The following PRKG1 variants were observed in gnomAD, a reference collection of about 807,000 sequenced individuals.
PRKG1 encodes protein kinase cGMP-dependent 1.
A neutral mutation model predicts 88.1 loss-of-function variants in PRKG1; 35 were observed. The observed-to-expected ratio is 0.40, with a 90% confidence interval of 0.30 to 0.53. The LOEUF is 0.53. Ranked by LOEUF, PRKG1 falls within the 20% of genes least tolerant of loss-of-function variation. The pLI is 0.59. For synonymous variants in PRKG1, 303 were observed against 292.5 expected (o/e 1.04, Z -0.37); for missense variants, 540 against 839.8 (o/e 0.64, Z 4.41).
intron 2 of PRKG1, among the ~76,000 whole-genome samples, chr10:51,313,061 T>G (rs922519466): frequency 4.7e-5 from 7 of 147,484 alleles, no homozygotes; most frequent in Non-Finnish European, 1.1e-4. Context: ...ACAATTCCCA[T>G]TAAGTTGCAG....
chr10:52,144,193 C>A (rs190695017), intron 8 of PRKG1, among the ~76,000 whole-genome samples: 1 of 151,936 alleles, frequency 6.6e-6, no homozygotes, highest in Non-Finnish European at 1.5e-5. Flanking sequence ...GACCTTTGTA[C>A]AGTAATAAGG....
At chr10:51,310,887 C>T (rs937760950) in intron 2 of PRKG1, among the ~76,000 whole-genome samples, 2 of 152,194 alleles carry the variant, frequency 1.3e-5, no homozygotes, top group African/African-American at 4.8e-5. Context: ...CTGGGAAAGA[C>T]AGGTGCAAAC....
intron 1 of PRKG1, among the ~76,000 whole-genome samples, chr10:51,094,866 C>T (rs1844491481): frequency 6.6e-6 from 1 of 152,120 alleles, no homozygotes; most frequent in African/African-American, 2.4e-5. Flanking sequence ...ATATTTCAGA[C>T]TGTTTTTCAT....
intron 5 of PRKG1, among the ~76,000 whole-genome samples, chr10:51,975,020 T>C (rs1843795333): frequency 6.6e-6 from 1 of 152,106 alleles, no homozygotes; most frequent in African/African-American, 2.4e-5. Context: ...CGGTTTTTAC[T>C]GGTATATCTG....
At chr10:51,832,100 G>A (rs1840020498) in intron 4 of PRKG1, among the ~76,000 whole-genome samples, 1 of 152,076 alleles carries the variant, frequency 6.6e-6, no homozygotes, top group Admixed American at 6.6e-5. Context: ...ATAATCAACT[G>A]TTTTCTTTTT....
chr10:51,578,303 T>C (rs1837939293), intron 3 of PRKG1, among the ~76,000 whole-genome samples: 1 of 152,178 alleles, frequency 6.6e-6, no homozygotes, highest in Admixed American at 6.6e-5. Context: ...AATTTTTAAA[T>C]GTGATCATTT....
intron 3 of PRKG1, among the ~76,000 whole-genome samples, chr10:51,486,590 T>C (rs927018177): frequency 4.6e-5 from 7 of 152,278 alleles, no homozygotes; most frequent in Non-Finnish European, 1.0e-4. Context: ...GCCCTCCACC[T>C]ATTTTGAGTA....
chr10:51,486,276 C>A (rs147615142), intron 3 of PRKG1, among the ~76,000 whole-genome samples: 110 of 152,052 alleles, frequency 7.2e-4, no homozygotes, highest in African/African-American at 2.6e-3. Flanking sequence ...AACTACCATT[C>A]CACTCTCTAC....
intron 2 of PRKG1, among the ~76,000 whole-genome samples, chr10:51,289,340 T>C (rs137880231): frequency 4.7e-4 from 71 of 152,274 alleles, no homozygotes; most frequent in African/African-American, 1.6e-3. Flanking sequence ...CTATTGCTTC[T>C]CCTAAGGCTA....
At chr10:51,598,299 A>T (rs994093319) in intron 3 of PRKG1, among the ~76,000 whole-genome samples, 1 of 151,868 alleles carries the variant, frequency 6.6e-6, no homozygotes, top group Non-Finnish European at 1.5e-5. Flanking sequence ...TTTGAGAGAG[A>T]GTCTTGCTCT....
intron 2 of PRKG1, among the ~76,000 whole-genome samples, chr10:51,398,784 G>A (rs1020392992): frequency 6.6e-6 from 1 of 152,192 alleles, no homozygotes; most frequent in African/African-American, 2.4e-5. Flanking sequence ...CATCTAATTA[G>A]TTGAAGGCCT....
chr10:51,314,563 C>G (rs143636462), intron 2 of PRKG1, among the ~76,000 whole-genome samples: 12 of 152,320 alleles, frequency 7.9e-5, no homozygotes, highest in African/African-American at 2.9e-4. Context: ...AACACTTTTG[C>G]AAGCTGTTTC....
At chr10:51,916,116 G>A (rs528448943) in intron 5 of PRKG1, among the ~76,000 whole-genome samples, 2 of 152,260 alleles carry the variant, frequency 1.3e-5, no homozygotes, top group South Asian at 4.2e-4. Context: ...ACCCCATCTT[G>A]AGTAGAAGCT....
chr10:51,560,116 A>G (rs1192533045), intron 3 of PRKG1, among the ~76,000 whole-genome samples: 1 of 152,090 alleles, frequency 6.6e-6, no homozygotes, highest in Non-Finnish European at 1.5e-5. Flanking sequence ...CTTCCATATT[A>G]TGTTCAATAC....
chr10:51,933,415 A>T (rs1207658491), intron 5 of PRKG1, among the ~76,000 whole-genome samples: 1 of 152,102 alleles, frequency 6.6e-6, no homozygotes, highest in Non-Finnish European at 1.5e-5. Context: ...ATTGCATAGG[A>T]TGCGCCAACA....
intron 7 of PRKG1, among the ~76,000 whole-genome samples, chr10:52,102,100 T>C (rs1904011): frequency 0.061 from 9,261 of 152,298 alleles, 516 homozygotes; most frequent in East Asian, 0.34. Flanking sequence ...ACCCCTTTTC[T>C]GGATTGGTTC....
At chr10:51,348,226 T>C (rs1202576484) in intron 2 of PRKG1, among the ~76,000 whole-genome samples, 1 of 152,176 alleles carries the variant, frequency 6.6e-6, no homozygotes, top group Non-Finnish European at 1.5e-5. Flanking sequence ...AAGTTTACTC[T>C]GTACCTTACC....
At chr10:52,000,116 C>T (rs1844556294) in intron 5 of PRKG1, among the ~76,000 whole-genome samples, 1 of 151,722 alleles carries the variant, frequency 6.6e-6, no homozygotes, top group Non-Finnish European at 1.5e-5. Context: ...CAAATAAAAT[C>T]TCAGATAAAA....
intron 3 of PRKG1, among the ~76,000 whole-genome samples, chr10:51,514,992 T>C (rs1841535343): frequency 6.6e-6 from 1 of 152,202 alleles, no homozygotes. Context: ...ACCCAACAGA[T>C]GTCAGTAGTA....
Sources: gnomAD v4.1 joint callset for allele counts (sites outside exome capture counted in the v4.1 genomes callset) on GRCh38, gnomAD v4.1.1 for gene constraint, MANE v1.5 for transcripts, NCBI Gene and HGNC (gene_info 2026-07-23, HGNC 2026-07-21) for gene names.